PIK3R2: variants seen among roughly 807,000 people sequenced by gnomAD.
PIK3R2 encodes the protein phosphatidylinositol 3-kinase regulatory subunit beta.
PIK3R2 carries 40 observed loss-of-function variants against 78.5 expected under a neutral mutation model. The ratio of observed to expected loss-of-function variants is 0.51; its 90% CI spans 0.40 to 0.66. The LOEUF is 0.66. PIK3R2 is among the 30% of genes least tolerant of loss of function. The probability of loss-of-function intolerance (pLI) is 0.00; values close to 1 mark genes in which losing one functional copy is unlikely to be tolerated. For synonymous variants in PIK3R2, 473 were observed against 457.7 expected, an observed-to-expected ratio of 1.03 and a Z score of -0.43; for missense variants, 880 against 1,026.6, an observed-to-expected ratio of 0.86 and a Z score of 1.95.
At chr19:18,165,249 C>T (rs1698440955) in intron 11 of PIK3R2, among the ~76,000 whole-genome samples, 1 of 151,270 alleles carries the variant, frequency 6.6e-6, no homozygotes, top group South Asian at 2.1e-4. Context: ...CCTGTAATCG[C>T]AGCTACTCAA....
chr19:18,168,873 G>A lies in PIK3R2; in HGVS notation c.1956G>A (p.Arg652=). ...TCCTCATCCGCGAGAGCAGCCAGCG[G>A]GGCTGCTACGCCTGCTCCGTGGTGT... ...GTFLIRESSQ[R]GCYACSVVVD... is the part of the protein sequence containing the mutation. Residue 652 remains arginine (R), a synonymous_variant, in exon 15 of 16, where the codon CGG becomes CGA. Coordinates refer to ENST00000222254, the MANE Select transcript of PIK3R2 (RefSeq NM_005027.4). The surrounding 1 kb of genome is among the most constrained non-coding windows in gnomAD (Gnocchi z 4.1). The A allele has an allele frequency of 6.2e-7, 1 of 1,613,242 alleles. No homozygotes were observed. Among genetic ancestry groups the A allele is most frequent in the East Asian group, 2.2e-5 (1 of 44,842 alleles).
At chr19:18,158,879 G>T (rs1314848074) in intron 2 of PIK3R2, among the ~76,000 whole-genome samples, 1 of 152,098 alleles carries the variant, frequency 6.6e-6, no homozygotes, top group Non-Finnish European at 1.5e-5. Context: ...TTTCGCTCTT[G>T]TCGCCCAGGC....
intron 9 of PIK3R2, 180 bp from the exon 10 acceptor site, chr19:18,162,787 G>A: frequency 6.4e-6 from 4 of 622,658 alleles, no homozygotes; most frequent in Non-Finnish European, 1.1e-5. Context: ...CTACTCGGGA[G>A]GCTGAGGCAG....
intron 1 of PIK3R2, among the ~76,000 whole-genome samples, chr19:18,155,216 A>AC (rs56116737): frequency 6.6e-6 from 1 of 150,554 alleles, no homozygotes; most frequent in Non-Finnish European, 1.5e-5. Flanking sequence ...AAAAAAAAAA[A>AC]CTGATTTACT....
At chr19:18,160,326 T>C in intron 2 of PIK3R2, 145 bp from the exon 3 acceptor site, 1 of 638,408 alleles carries the variant, frequency 1.6e-6, no homozygotes, top group Non-Finnish European at 2.8e-6. Context: ...TGCAGCCTCC[T>C]GCGGATGGGA....
In PIK3R2 at chr19:18,167,163, C is replaced by T. The variant is rs2147957536; in HGVS notation, c.1593C>T (p.Arg531=). The T allele has an allele frequency of 6.2e-7, 1 of 1,605,436 alleles. No homozygotes were observed. Among genetic ancestry groups the T allele is most frequent in the Non-Finnish European group, 8.5e-7 (1 of 1,175,996 alleles). Residue 531 remains arginine, a synonymous_variant, in exon 13 of 16, where the codon CGC becomes CGT. Coordinates refer to ENST00000222254, the MANE Select transcript of PIK3R2 (RefSeq NM_005027.4). The surrounding 1 kb of genome is among the most constrained non-coding windows in gnomAD (Gnocchi z 4.5). Reference sequence around the variant, plus strand: ...TGAACTCCGAGCGGCTCAAGTCCCGCATTGCCGAGATCCATGAGAGCCGCA... The same window carrying T: ...TGAACTCCGAGCGGCTCAAGTCCCGTATTGCCGAGATCCATGAGAGCCGCA... The part of the protein sequence containing the change: ...ILLNSERLKS[R]IAEIHESRTK...
chr19:18,167,522 C>T lies in PIK3R2; in HGVS notation c.1736+216C>T, dbSNP rs59755128. ...TGTGCAATGGGAGTGTCACTCCTATCCCATTCCATTTTGTGGAAAGTTGGA... is the reference window on the plus strand; with the variant it reads ...TGTGCAATGGGAGTGTCACTCCTATTCCATTCCATTTTGTGGAAAGTTGGA... On this transcript the variant is annotated intron_variant, in intron 13 of 15. Transcript: ENST00000222254. This position sits in a 1 kb window ranked among gnomAD's most constrained non-coding sequence, Gnocchi z 4.5. 6.6e-6 allele frequency among the ~76,000 whole-genome samples: 1 copy of T among 152,186 alleles called. No individual in the cohort carries two copies. The highest frequency in any genetic ancestry group is 1.9e-4 in the East Asian group (1 of 5,178).
In PIK3R2 at chr19:18,170,272, C is replaced by T. The variant is rs1568641644; in HGVS notation, c.*978C>T. ...ACCCCTCCTAGGAATCACAGCTCCC[C>T]GTACTGGTGCCGCCGCAGTGGCCAA... On this transcript the variant is annotated 3_prime_UTR_variant, in exon 16 of 16. Transcript: ENST00000222254. 1 of 152,322 alleles carries T rather than the reference C, an allele frequency of 6.6e-6. No homozygotes were observed. Among genetic ancestry groups the T allele is most frequent in the African/African-American group, 2.4e-5 (1 of 41,452 alleles). 9.4% of individuals were successfully genotyped at this position (152,322 alleles called of 1,614,324 possible).
At chr19:18,162,937 C>G in intron 9 of PIK3R2, 30 bp from the exon 10 acceptor site, 1 of 1,605,910 alleles carries the variant, frequency 6.2e-7, no homozygotes, top group Middle Eastern at 1.7e-4. Flanking sequence ...CGGGGTCCCA[C>G]TGGGTGCCGA....
In PIK3R2 at chr19:18,161,805, A is replaced by G. The variant is rs1460633311; in HGVS notation, c.816-161A>G. On this transcript the variant is annotated intron_variant, in intron 6 of 15. Transcript: ENST00000222254. The surrounding 1 kb of genome is among the most constrained non-coding windows in gnomAD (Gnocchi z 5.3). ...GGAGCACTTACTGCATACAGCTATG[A>G]GGGAGCTGGCCTCGCACATGTGCCT... Among the ~76,000 whole-genome samples, 3 of 152,190 alleles carry G rather than the reference A, an allele frequency of 2.0e-5. No homozygotes were observed. Among genetic ancestry groups the G allele is most frequent in the Admixed American group, 1.3e-4 (2 of 15,278 alleles).
intron 11 of PIK3R2, among the ~76,000 whole-genome samples, chr19:18,164,949 C>A (rs1199422765): frequency 6.7e-6 from 1 of 149,612 alleles, no homozygotes. Flanking sequence ...AAAGGTAGGC[C>A]GGGCACAGTG....
At position 18,167,555 on chromosome 19, in the gene PIK3R2, C is replaced by T. The variant is rs1221987725; in HGVS notation, c.1736+249C>T. ...ATTTTGTGGAAAGTTGGAAGCCTTC[C>T]ACAAAAATTCCTGCTGGGCTGGGCG... On this transcript the variant is annotated intron_variant, in intron 13 of 15. Coordinates refer to ENST00000222254, the MANE Select transcript of PIK3R2 (RefSeq NM_005027.4). This position sits in a 1 kb window ranked among gnomAD's most constrained non-coding sequence, Gnocchi z 4.5. Among the ~76,000 whole-genome samples, 1 of 152,064 alleles carries T rather than the reference C, an allele frequency of 6.6e-6. No homozygotes were observed. The highest frequency in any genetic ancestry group is 1.5e-5 in the Non-Finnish European group (1 of 68,022).
chr19:18,160,555 A>T lies in PIK3R2; in HGVS notation c.407A>T (p.Glu136Val). 6.2e-7 allele frequency: 1 copy of T among 1,612,620 alleles called. No individual in the cohort carries two copies. Among genetic ancestry groups the T allele is most frequent in the Non-Finnish European group, 8.5e-7 (1 of 1,178,890 alleles). ...PLLVKLVEAI[E>V]RTGLDSESHY... The stretch of plus-strand genomic sequence containing the variant: ...CTGGTGAAGCTTGTGGAGGCCATTG[A>T]AAGGACAGGTAAGTTCCAGCCTGGC... The change falls in exon 3 of 16, where the codon GAA becomes GTA. Residue 136 changes from glutamate to valine, a missense_variant. Physicochemically the swap from Glu to Val is moderately radical, Grantham distance 121. Around this residue, in one of 3 missense-constraint regions of PIK3R2, gnomAD observed 456 missense variants for 486.6 expected, o/e 0.94. Coordinates refer to ENST00000222254, the MANE Select transcript of PIK3R2 (RefSeq NM_005027.4).
intron 2 of PIK3R2, 85 bp from the exon 3 acceptor site, chr19:18,160,386 C>T: frequency 1.2e-6 from 1 of 848,056 alleles, no homozygotes; most frequent in South Asian, 1.4e-5. Context: ...CAAACTGCCC[C>T]AGCTGAGGTT....
At position 18,163,151 on chromosome 19, in the gene PIK3R2, C is replaced by T. The variant is rs376614345; in HGVS notation, c.1290+4C>T. 188 of 1,613,724 alleles carry T rather than the reference C, an allele frequency of 1.2e-4. No individual in the cohort carries two copies. Among genetic ancestry groups the T allele is most frequent in the Middle Eastern group, 1.6e-4 (1 of 6,082 alleles). On this transcript the variant is annotated splice_donor_region_variant and intron_variant, in intron 10 of 15. Transcript: ENST00000222254. ...CCCTGTGTCCAAATACCAGCAGGTC[C>T]GTGCTGGCCTGGGAGCCAGGGAGGG...
chr19:18,162,598 G>T lies in PIK3R2; in HGVS notation c.1109+92G>T, dbSNP rs2043761775. Reference sequence around the variant, plus strand: ...ATAGAACATGTGCGGTTTCAAGAATGGAGGGCCAGGCACGGTGGCTTACAC... The same window carrying T: ...ATAGAACATGTGCGGTTTCAAGAATTGAGGGCCAGGCACGGTGGCTTACAC... On this transcript the variant is annotated intron_variant, in intron 9 of 15. Coordinates refer to ENST00000222254, the MANE Select transcript of PIK3R2 (RefSeq NM_005027.4). 3 of 1,129,758 alleles carry T rather than the reference G, an allele frequency of 2.7e-6. No individual in the cohort carries two copies. The South Asian group carries it at 4.0e-5, about 15-fold the overall frequency. The allele number at this position is 1,129,758 out of a possible 1,614,324, so 70.0% of individuals were successfully genotyped here.
In PIK3R2 at chr19:18,155,546, G is replaced by A. The variant is rs148946526; in HGVS notation, c.-334G>A. ...GCCAGCAGAGCCGCCAGCCTTGGGCGCCCATGGCCCTCCGTGTGAGGGCGT... is the reference window on the plus strand; with the variant it reads ...GCCAGCAGAGCCGCCAGCCTTGGGCACCCATGGCCCTCCGTGTGAGGGCGT... On this transcript the variant is annotated 5_prime_UTR_variant, in exon 2 of 16. Transcript: ENST00000222254. 3.8e-5 allele frequency: 17 copies of A among 446,624 alleles called. No individual in the cohort carries two copies. The highest frequency in any genetic ancestry group is 1.8e-4 in the East Asian group (5 of 28,322). The allele number at this position is 446,624 out of a possible 1,614,324, so 27.7% of individuals were successfully genotyped here.
Position 18,168,805 on chromosome 19 carries a change from A to C in PIK3R2, c.1888A>C (p.Thr630Pro). 3.1e-6 allele frequency: 5 copies of C among 1,613,920 alleles called. No individual in the cohort carries two copies. The highest frequency in any genetic ancestry group is 4.2e-6 in the Non-Finnish European group (5 of 1,179,932). Residue 630 changes from threonine to proline, a missense_variant, in exon 15 of 16, where the codon ACG becomes CCG. Physicochemically the swap from Thr to Pro is conservative, Grantham distance 38. Around this residue, in one of 3 missense-constraint regions of PIK3R2, gnomAD observed 268 missense variants for 299.1 expected, o/e 0.90. Coordinates refer to ENST00000222254, the MANE Select transcript of PIK3R2 (RefSeq NM_005027.4). This position sits in a 1 kb window ranked among gnomAD's most constrained non-coding sequence, Gnocchi z 4.1. ...TTGGTACGTGGGCAAGATCAACCGC[A>C]CGCAGGCAGAGGAGATGCTGAGTGG... ...RTWYVGKINR[T>P]QAEEMLSGKR...
At chr19:18,164,089 A>G (rs1270737712) in intron 11 of PIK3R2, among the ~76,000 whole-genome samples, 1 of 150,772 alleles carries the variant, frequency 6.6e-6, no homozygotes, top group Non-Finnish European at 1.5e-5. Context: ...TCGTGCTACT[A>G]CACTCCAGCC....
Sources: allele counts gnomAD v4.1 joint callset (sites outside exome capture counted in the v4.1 genomes callset), GRCh38; gene constraint gnomAD v4.1.1; regional missense constraint gnomAD v4.1.1; non-coding constraint Gnocchi (gnomAD v3.1); transcripts MANE v1.5; gene names NCBI Gene and HGNC (gene_info 2026-07-23, HGNC 2026-07-21).